The following POC1B variants were observed in gnomAD, a reference collection of about 807,000 sequenced individuals.
The protein encoded by POC1B is POC1 centriolar protein homolog B.
Under a neutral mutation model 60.6 loss-of-function variants are expected in POC1B, and 44 were observed. That is an observed-to-expected ratio of 0.73 (90% CI 0.57 to 0.93). The LOEUF (loss-of-function observed/expected upper bound fraction) is 0.93. Among genes scored for constraint, POC1B ranks in the 40% least tolerant of loss-of-function variants. The probability of loss-of-function intolerance (pLI) is 0.00; values close to 1 mark genes in which losing one functional copy is unlikely to be tolerated. For missense variants in POC1B, 555 were observed against 572.3 expected, an observed-to-expected ratio of 0.97 and a Z score of 0.31; for synonymous variants, 180 against 198.9, an observed-to-expected ratio of 0.90 and a Z score of 0.80.
At chr12:89,468,398 T>C (rs759689331) in intron 7 of POC1B, among the ~76,000 whole-genome samples, 29 of 152,184 alleles carry the variant, frequency 1.9e-4, no homozygotes, top group Non-Finnish European at 4.1e-4. Context: ...TAAGAGTAAG[T>C]ATTTCTTATC....
At chr12:89,462,631 A>T (rs756439456) in intron 9 of POC1B, among the ~76,000 whole-genome samples, 9 of 152,234 alleles carry the variant, frequency 5.9e-5, no homozygotes, top group Non-Finnish European at 1.0e-4. Context: ...AGATACTTTA[A>T]TATCTGTTAA....
At chr12:89,460,206 G>A (rs899454246) in intron 9 of POC1B, among the ~76,000 whole-genome samples, 1 of 152,010 alleles carries the variant, frequency 6.6e-6, no homozygotes, top group Non-Finnish European at 1.5e-5. Context: ...CTGCATTTCT[G>A]CATTCTAGCA....
At chr12:89,463,944 T>C (rs998058253) in intron 9 of POC1B, among the ~76,000 whole-genome samples, 1 of 152,188 alleles carries the variant, frequency 6.6e-6, no homozygotes, top group African/African-American at 2.4e-5. Context: ...GGCCAAACTA[T>C]TTTACTCAGC....
chr12:89,456,520 T>C lies in POC1B; in HGVS notation c.1113+3118A>G, dbSNP rs149700782. The stretch of plus-strand genomic sequence containing the variant: ...ACATTAAAAGACTCAAATGGAATCT[T>C]GAACTAAATAATCTTTAGAAAATTA... On this transcript the variant is annotated intron_variant, in intron 10 of 11. Transcript: ENST00000313546. 2.7e-3 allele frequency among the ~76,000 whole-genome samples: 414 copies of C among 152,272 alleles called. 2 individuals carry two copies. The highest frequency in any genetic ancestry group is 8.2e-3 in the African/African-American group (342 of 41,556).
chr12:89,505,776 G>T (rs1171810936), intron 2 of POC1B, among the ~76,000 whole-genome samples: 1 of 152,250 alleles, frequency 6.6e-6, no homozygotes, highest in Non-Finnish European at 1.5e-5. Context: ...TCTAGCTGTT[G>T]TGTGGAGAAG....
chr12:89,493,439 C>T (rs2135739429), intron 3 of POC1B, among the ~76,000 whole-genome samples: 1 of 152,288 alleles, frequency 6.6e-6, no homozygotes, highest in East Asian at 1.9e-4. Flanking sequence ...ACCTGGCTTA[C>T]CCTTCCAGTG....
At chr12:89,496,340 C>T (rs536466845) in intron 3 of POC1B, among the ~76,000 whole-genome samples, 7 of 152,016 alleles carry the variant, frequency 4.6e-5, no homozygotes, top group African/African-American at 1.7e-4. Flanking sequence ...GGTCAGTGGC[C>T]CAGGGGTTGG....
chr12:89,484,878 G>A (rs1868550805), intron 4 of POC1B, among the ~76,000 whole-genome samples: 1 of 152,324 alleles, frequency 6.6e-6, no homozygotes, highest in South Asian at 2.1e-4. Context: ...TGGCAGGTGC[G>A]TGGATGGGGA....
At chr12:89,444,997 C>G (rs2120740773) in intron 10 of POC1B, among the ~76,000 whole-genome samples, 1 of 152,222 alleles carries the variant, frequency 6.6e-6, no homozygotes, top group East Asian at 1.9e-4. Context: ...GAGTGAATTC[C>G]CATTCACAAT....
At chr12:89,522,756 A>C (rs1317324603) in intron 2 of POC1B, 6 of 1,517,536 alleles carry the variant, frequency 4.0e-6, no homozygotes, top group African/African-American at 1.4e-5. Flanking sequence ...GAGGCTCTTA[A>C]GGCTCTTTGA....
chr12:89,432,151 A>G (rs1046999578), intron 10 of POC1B, among the ~76,000 whole-genome samples: 4 of 152,020 alleles, frequency 2.6e-5, no homozygotes, highest in Non-Finnish European at 5.9e-5. Context: ...TGGGAGGTCG[A>G]GGTGGGCGGA....
rs1188647595 is a variant in POC1B at position 89,526,000 on chromosome 12, C to T, written c.-105G>A. On this transcript the variant is annotated 5_prime_UTR_variant, in exon 1 of 12. Transcript: ENST00000313546. Reference sequence around the variant, plus strand: ...ACCGTGCGGCTCCCGGAACCGTCTGCCCAGAGCGGCAGCGCCTCCCGGTCA... The same window carrying T: ...ACCGTGCGGCTCCCGGAACCGTCTGTCCAGAGCGGCAGCGCCTCCCGGTCA... The T allele has an allele frequency of 1.3e-6, 2 of 1,541,918 alleles. No individual in the cohort carries two copies. The highest frequency in any genetic ancestry group is 2.5e-5 in the East Asian group (1 of 40,798).
Position 89,501,674 on chromosome 12 carries a change from C to G in POC1B, c.101-4332G>C, listed in dbSNP as rs1869572869. 10 of 1,073,578 alleles carry G rather than the reference C, an allele frequency of 9.3e-6. No individual in the cohort carries two copies. The South Asian group carries it at 1.3e-4, about 14-fold the overall frequency. 66.5% of individuals were successfully genotyped at this position (1,073,578 alleles called of 1,614,324 possible). A position where few individuals can be genotyped will look rare whatever the true frequency, so the allele number is the denominator to read the frequency against. ...ACTGTCACGAGAAGTCGAAGAATTT[C>G]CAGGCATCCGTCTAATTGGTGGGTG... is the stretch of plus-strand genomic sequence containing the variant. On this transcript the variant is annotated intron_variant, in intron 2 of 11. Transcript: ENST00000313546.
downstream of POC1B, among the ~76,000 whole-genome samples, chr12:89,415,827 T>C (rs140533604): frequency 1.8e-3 from 273 of 152,256 alleles, 1 homozygote; most frequent in Middle Eastern, 3.4e-3. Context: ...TGTTAGAAAA[T>C]GGCATAGCCA....
chr12:89,428,327 C>G (rs911096650), intron 10 of POC1B: 2 of 152,276 alleles, frequency 1.3e-5, no homozygotes, highest in African/African-American at 4.8e-5. Flanking sequence ...TTCAGAAATG[C>G]AGTCCCTGCC....
chr12:89,412,350 CTTT>C, the POC1B span, among the ~76,000 whole-genome samples: 1 of 116,142 alleles, frequency 8.6e-6, no homozygotes, highest in Non-Finnish European at 2.0e-5. Context: ...TTCTTTGTTT[CTTT>C]TTTCTTTTTT....
intron 3 of POC1B, among the ~76,000 whole-genome samples, chr12:89,495,273 T>C (rs1160421454): frequency 6.6e-6 from 1 of 152,228 alleles, no homozygotes; most frequent in Non-Finnish European, 1.5e-5. Context: ...GTGCAGAAGA[T>C]AGTAAAAAAG....
rs368352526 is a variant in POC1B at position 89,517,645 on chromosome 12, G to T, written c.100+7475C>A. The stretch of plus-strand genomic sequence containing the variant: ...GAGACTTGGTCTCAAAAAAAAAAAA[G>T]AAAAAAGCATTCTATTCCTTTCCTT... On this transcript the variant is annotated intron_variant, in intron 2 of 11. Coordinates refer to ENST00000313546, the MANE Select transcript of POC1B (RefSeq NM_172240.3). Among the ~76,000 whole-genome samples the T allele has an allele frequency of 2.6e-5, 4 of 150,970 alleles. No homozygotes were observed. In the East Asian group the frequency reaches 7.8e-4, roughly 29 times the overall value.
chr12:89,433,180 A>G (rs982040376), intron 10 of POC1B, among the ~76,000 whole-genome samples: 1 of 152,194 alleles, frequency 6.6e-6, no homozygotes, highest in Non-Finnish European at 1.5e-5. Context: ...TTTTTAGAAG[A>G]CTTTTGCTAT....
Sources: allele counts gnomAD v4.1 joint callset (sites outside exome capture counted in the v4.1 genomes callset), GRCh38; gene constraint gnomAD v4.1.1; transcripts MANE v1.5; gene names NCBI Gene and HGNC (gene_info 2026-07-23, HGNC 2026-07-21).